The following ZDHHC7 variants were observed in gnomAD, a reference collection of about 807,000 sequenced individuals.
ZDHHC7 encodes the protein palmitoyltransferase ZDHHC7.
A neutral mutation model predicts 34.1 loss-of-function variants in ZDHHC7; 12 were observed. The observed-to-expected ratio is 0.35, with a 90% CI of 0.23 to 0.57. The LOEUF is 0.57. Ranked by LOEUF, ZDHHC7 falls within the 20% of genes least tolerant of loss-of-function variation. The pLI is 0.84. For missense variants in ZDHHC7, 388 were observed against 402.7 expected (o/e 0.96, Z 0.31); for synonymous variants, 185 against 155.4 (o/e 1.19, Z -1.42).
At chr16:84,977,464 G>A (rs1158089863) in intron 6 of ZDHHC7, among the ~76,000 whole-genome samples, 3 of 152,198 alleles carry the variant, frequency 2.0e-5, no homozygotes, top group Non-Finnish European at 4.4e-5. Flanking sequence ...ATTTTCTGAG[G>A]TTTCTATTGA....
chr16:84,992,400 G>T (rs1004418821), intron 2 of ZDHHC7, among the ~76,000 whole-genome samples: 1 of 152,102 alleles, frequency 6.6e-6, no homozygotes, highest in Non-Finnish European at 1.5e-5. Flanking sequence ...TTGAACCCGG[G>T]GGGTGGAGGT....
chr16:85,011,818 C>T (rs1201905685), upstream of ZDHHC7, among the ~76,000 whole-genome samples: 2 of 152,162 alleles, frequency 1.3e-5, no homozygotes, highest in African/African-American at 4.8e-5. Context: ...AGTGTGTACC[C>T]GCGCCCGCGG....
chr16:85,021,140 A>C, the ZDHHC7 span, among the ~76,000 whole-genome samples: 1 of 151,876 alleles, frequency 6.6e-6, no homozygotes, highest in South Asian at 2.1e-4. Flanking sequence ...GGGGGGGTGC[A>C]CAGTGGCTCA....
intron 1 of ZDHHC7, among the ~76,000 whole-genome samples, chr16:85,005,445 C>G (rs151090583): frequency 2.0e-5 from 3 of 152,302 alleles, no homozygotes; most frequent in African/African-American, 7.2e-5. Flanking sequence ...CACGTGACCA[C>G]CACCCTAAAA....
intron 3 of ZDHHC7, among the ~76,000 whole-genome samples, chr16:84,987,063 A>G (rs1001621609): frequency 6.6e-5 from 10 of 152,250 alleles, no homozygotes; most frequent in Admixed American, 2.0e-4. Flanking sequence ...CAGGAAAGCC[A>G]GGACTCAGAG....
chr16:84,976,608 A>C (rs141070189), intron 7 of ZDHHC7, 89 bp from the exon 8 acceptor site: 1,391 of 1,504,800 alleles, frequency 9.2e-4, no homozygotes, highest in Non-Finnish European at 1.2e-3. Context: ...GCTCAAGCAC[A>C]GTGTGGGCTC....
chr16:84,995,527 G>A (rs1338507276), intron 2 of ZDHHC7, among the ~76,000 whole-genome samples: 2 of 152,184 alleles, frequency 1.3e-5, no homozygotes, highest in African/African-American at 2.4e-5. Flanking sequence ...TAGGGAGGCT[G>A]AGGCAGAAGA....
Position 84,990,472 on chromosome 16 carries a change from G to A in ZDHHC7, c.147C>T (p.Ile49=). The A allele has an allele frequency of 6.2e-7, 1 of 1,614,192 alleles. No homozygotes were observed. The highest frequency in any genetic ancestry group is 8.5e-7 in the Non-Finnish European group (1 of 1,180,024). The change falls in exon 3 of 8, where the codon ATC becomes ATT. Residue 49 remains isoleucine, a synonymous_variant. Coordinates refer to ENST00000313732, the MANE Select transcript of ZDHHC7 (RefSeq NM_017740.3). ...VWFIRDGCGM[I]CAVMTWLLVA... Reference sequence around the variant, plus strand: ...CCAGAAGCCACGTCATGACAGCACAGATCATGCCGCAGCCGTCACGGATGA... The same window carrying A: ...CCAGAAGCCACGTCATGACAGCACAAATCATGCCGCAGCCGTCACGGATGA...
At chr16:85,011,941 A>G (rs1409829539), upstream of ZDHHC7, among the ~76,000 whole-genome samples, 1 of 152,184 alleles carries the variant, frequency 6.6e-6, no homozygotes, top group Non-Finnish European at 1.5e-5. Context: ...AGCACTTGGG[A>G]AAAGAGGAAA....
At chr16:85,010,031 A>T (rs2072770194) in intron 1 of ZDHHC7, among the ~76,000 whole-genome samples, 3 of 142,506 alleles carry the variant, frequency 2.1e-5, no homozygotes, top group African/African-American at 8.1e-5. Context: ...TAACAAGCGA[A>T]TTTAACAAAG....
At chr16:84,987,004 G>A (rs2072445255) in intron 3 of ZDHHC7, among the ~76,000 whole-genome samples, 2 of 152,208 alleles carry the variant, frequency 1.3e-5, no homozygotes. Flanking sequence ...CTGGACATCA[G>A]TGACTGCCAC....
chr16:84,980,147 G>A (rs1333982671), intron 4 of ZDHHC7, among the ~76,000 whole-genome samples: 1 of 150,968 alleles, frequency 6.6e-6, no homozygotes, highest in Non-Finnish European at 1.5e-5. Flanking sequence ...TCTATTTTTA[G>A]TAGAGATGGG....
intron 1 of ZDHHC7, among the ~76,000 whole-genome samples, chr16:85,009,170 A>G (rs1033216330): frequency 6.6e-6 from 1 of 152,102 alleles, no homozygotes; most frequent in Admixed American, 6.5e-5. Context: ...CATCCCAAAC[A>G]TTAACTTTCT....
At chr16:85,027,266 TTTA>T in the ZDHHC7 span, among the ~76,000 whole-genome samples, 33 of 152,176 alleles carry the variant, frequency 2.2e-4, no homozygotes, top group African/African-American at 6.3e-4. Flanking sequence ...ATACCATTTA[TTTA>T]TTATTATTTT....
At chr16:85,013,455 C>T (rs575243596), upstream of ZDHHC7, among the ~76,000 whole-genome samples, 193 of 152,224 alleles carry the variant, frequency 1.3e-3, no homozygotes, top group African/African-American at 4.6e-3. Flanking sequence ...GTTGGCCAGG[C>T]TGGTCTTGAA....
intron 2 of ZDHHC7, 112 bp downstream of exon 2, chr16:84,995,810 C>T (rs899845751): frequency 2.0e-5 from 3 of 152,224 alleles, no homozygotes; most frequent in Non-Finnish European, 2.9e-5. Flanking sequence ...GTCAGCTTGG[C>T]ACCACGCCTC....
intron 1 of ZDHHC7, among the ~76,000 whole-genome samples, chr16:85,009,014 C>T (rs536406869): frequency 2.0e-5 from 3 of 150,198 alleles, no homozygotes; most frequent in Non-Finnish European, 2.9e-5. Flanking sequence ...CACTGCACTC[C>T]AGCCTGGGCA....
At chr16:85,018,568 C>A in the ZDHHC7 span, among the ~76,000 whole-genome samples, 1 of 152,086 alleles carries the variant, frequency 6.6e-6, no homozygotes, top group African/African-American at 2.4e-5. Context: ...CTGCCTCAGC[C>A]TCCCTGGTAG....
chr16:84,988,994 G>A (rs749892803), intron 3 of ZDHHC7: 6 of 975,612 alleles, frequency 6.1e-6, no homozygotes, highest in African/African-American at 1.6e-5. Context: ...CTGCAGCCAA[G>A]GAAGGAGAGG....
Sources: gnomAD v4.1 joint callset for allele counts (sites outside exome capture counted in the v4.1 genomes callset) on GRCh38, gnomAD v4.1.1 for gene constraint, MANE v1.5 for transcripts, NCBI Gene and HGNC (gene_info 2026-07-23, HGNC 2026-07-21) for gene names.